The following DAW1 variants were observed in gnomAD, a reference collection of about 807,000 sequenced individuals.
DAW1 encodes dynein assembly factor with WD repeats 1.
DAW1 carries 47 observed loss-of-function variants against 56.5 expected under a neutral mutation model. The ratio of observed to expected loss-of-function variants is 0.83; its 90% confidence interval spans 0.66 to 1.06. The LOEUF (loss-of-function observed/expected upper bound fraction) is 1.06, where lower values mean the gene tolerates loss of function less well. Among genes scored for constraint, DAW1 ranks in the 50% least tolerant of loss-of-function variants. The probability of loss-of-function intolerance (pLI) is 0.00; values close to 1 mark genes in which losing one functional copy is unlikely to be tolerated. For synonymous variants in DAW1, 190 were observed against 179.0 expected (o/e 1.06, Z -0.49); for missense variants, 505 against 499.3 (o/e 1.01, Z -0.11).
chr2:227,894,005 C>G lies in DAW1; in HGVS notation c.440+88C>G, dbSNP rs1464466342. ...GGAGAAAGGGAAGAAGACAAGAGGT[C>G]TAAATTTATTGAGTGCTTGGTATGT... is the stretch of plus-strand genomic sequence containing the variant. On this transcript the variant is annotated intron_variant, in intron 5 of 12. Transcript: ENST00000309931. 2.9e-6 allele frequency: 4 copies of G among 1,381,186 alleles called. No homozygotes were observed. In the South Asian group the frequency reaches 4.6e-5, roughly 16 times the overall value. 85.6% of individuals were successfully genotyped at this position (1,381,186 alleles called of 1,614,324 possible).
intron 10 of DAW1, among the ~76,000 whole-genome samples, chr2:227,907,842 C>G (rs976436614): frequency 5.3e-5 from 8 of 152,180 alleles, no homozygotes; most frequent in African/African-American, 1.9e-4. Flanking sequence ...GCCACCGTGC[C>G]CAGCTTCCCT....
chr2:227,878,995 A>C (rs1690948747), intron 1 of DAW1, among the ~76,000 whole-genome samples: 1 of 152,034 alleles, frequency 6.6e-6, no homozygotes, highest in South Asian at 2.1e-4. Flanking sequence ...CCATGTTGCC[A>C]GGCTGGTCTT....
chr2:227,906,374 G>T (rs765366165), intron 9 of DAW1, 36 bp downstream of exon 9: 6 of 1,443,908 alleles, frequency 4.2e-6, no homozygotes, highest in Non-Finnish European at 5.8e-6. Flanking sequence ...GCTTTATATT[G>T]TGTCTATACT....
At chr2:227,920,764 C>T (rs1004008449) in intron 11 of DAW1, among the ~76,000 whole-genome samples, 5 of 152,098 alleles carry the variant, frequency 3.3e-5, no homozygotes, top group Non-Finnish European at 5.9e-5. Context: ...GCAACCTCCA[C>T]CTCCCAGGTT....
At chr2:227,904,801 A>T in intron 7 of DAW1, 128 bp from the exon 8 acceptor site, 1 of 775,168 alleles carries the variant, frequency 1.3e-6, no homozygotes, top group Non-Finnish European at 2.0e-6. Context: ...TCCTCACCCC[A>T]GCCAACCGCT....
chr2:227,917,154 G>A (rs28736890), intron 10 of DAW1, among the ~76,000 whole-genome samples: 2,641 of 141,520 alleles, frequency 0.019, 28 homozygotes, highest in African/African-American at 0.027. Flanking sequence ...CTGTCTGTCT[G>A]TCTGTCTGTC....
chr2:227,879,384 C>T (rs899314359), intron 1 of DAW1, among the ~76,000 whole-genome samples: 12 of 151,788 alleles, frequency 7.9e-5, no homozygotes, highest in Non-Finnish European at 1.5e-4. Flanking sequence ...GTAAGTTGAC[C>T]GCTCCTGACT....
chr2:227,875,247 T>C (rs2106183447), intron 1 of DAW1, among the ~76,000 whole-genome samples: 1 of 152,350 alleles, frequency 6.6e-6, no homozygotes, highest in South Asian at 2.1e-4. Context: ...CAATTTCTAC[T>C]ACCTGACCAC....
chr2:227,918,128 C>T (rs991936127), intron 10 of DAW1, among the ~76,000 whole-genome samples: 15 of 145,388 alleles, frequency 1.0e-4, no homozygotes, highest in Non-Finnish European at 1.4e-4. Context: ...ATTTCTCCAT[C>T]CATCCATCCA....
chr2:227,880,475 G>A lies in DAW1; in HGVS notation c.41-4876G>A, dbSNP rs143724582. Among the ~76,000 whole-genome samples, 522 of 150,946 alleles carry A rather than the reference G, an allele frequency of 3.5e-3. 3 individuals are homozygous for A. Among genetic ancestry groups the A allele is most frequent in the African/African-American group, 0.012 (488 of 41,070 alleles). On this transcript the variant is annotated intron_variant, in intron 1 of 12. Transcript: ENST00000309931. ...TTTTTAGTTTGCTTTTGATCCTAGAGTTTGGTTTCAGGTCTTTAGTACAAA... is the reference window on the plus strand; with the variant it reads ...TTTTTAGTTTGCTTTTGATCCTAGAATTTGGTTTCAGGTCTTTAGTACAAA...
intron 10 of DAW1, among the ~76,000 whole-genome samples, chr2:227,914,772 A>T (rs1246364960): frequency 6.6e-6 from 1 of 152,064 alleles, no homozygotes; most frequent in Non-Finnish European, 1.5e-5. Flanking sequence ...TGTTTTCATC[A>T]CCATCTTGAA....
intron 12 of DAW1, among the ~76,000 whole-genome samples, chr2:227,922,454 G>A (rs1328664678): frequency 6.6e-6 from 1 of 152,212 alleles, no homozygotes; most frequent in African/African-American, 2.4e-5. Context: ...GCCTCGAGGG[G>A]AGGCCTTGGC....
intron 1 of DAW1, among the ~76,000 whole-genome samples, chr2:227,874,052 T>C (rs557006080): frequency 2.0e-4 from 30 of 152,350 alleles, no homozygotes; most frequent in Non-Finnish European, 4.1e-4. Context: ...AGACTAATAG[T>C]CTGTTTCCTT....
At chr2:227,901,584 GA>G (rs1281258509) in intron 6 of DAW1, among the ~76,000 whole-genome samples, 7 of 151,912 alleles carry the variant, frequency 4.6e-5, no homozygotes, top group Non-Finnish European at 1.0e-4. Flanking sequence ...GATACAAAAA[GA>G]AAAAAGAAAA....
intron 1 of DAW1, among the ~76,000 whole-genome samples, chr2:227,874,221 T>C (rs1312982101): frequency 1.3e-5 from 2 of 152,152 alleles, no homozygotes; most frequent in Admixed American, 1.3e-4. Context: ...TCTCACCATA[T>C]ACAATAATAA....
At chr2:227,921,635 A>G in intron 12 of DAW1, 74 bp downstream of exon 12, 1 of 1,494,102 alleles carries the variant, frequency 6.7e-7, no homozygotes, top group Non-Finnish European at 9.1e-7. Flanking sequence ...GAATACTAAC[A>G]GGAGTTCATC....
At chr2:227,902,560 TG>T (rs377144196) in intron 6 of DAW1, among the ~76,000 whole-genome samples, 16 of 152,204 alleles carry the variant, frequency 1.1e-4, no homozygotes, top group African/African-American at 3.9e-4. Context: ...GGCATGGGTC[TG>T]GGGGAACTGG....
At chr2:227,904,570 G>A (rs1041769713) in intron 7 of DAW1, among the ~76,000 whole-genome samples, 3 of 152,166 alleles carry the variant, frequency 2.0e-5, no homozygotes, top group Admixed American at 6.5e-5. Flanking sequence ...CCCCTGCTCT[G>A]TAGTGTTTCC....
In DAW1 at chr2:227,906,253, T is replaced by C. The variant is rs752727550; in HGVS notation, c.773T>C (p.Ile258Thr). 1.2e-6 allele frequency: 2 copies of C among 1,612,438 alleles called. No homozygotes were observed. The highest frequency in any genetic ancestry group is 1.7e-6 in the Non-Finnish European group (2 of 1,179,046). Reference protein sequence around the residue: ...ADTGRKVNILIGHCAEISSAS... With the variant: ...ADTGRKVNILTGHCAEISSAS... ...TGTTGTAGGAAGGTAAATATCTTAA[T>C]TGGTCATTGTGCTGAGATTAGCAGT... The change falls in exon 9 of 13, where the codon ATT (isoleucine) becomes ACT (threonine). Residue 258 changes from isoleucine (I) to threonine (T), a missense_variant. Ile to Thr is a moderately conservative substitution (Grantham distance 89). Transcript: ENST00000309931.
Sources: allele counts gnomAD v4.1 joint callset (sites outside exome capture counted in the v4.1 genomes callset), GRCh38; gene constraint gnomAD v4.1.1; transcripts MANE v1.5; gene names NCBI Gene and HGNC (gene_info 2026-07-23, HGNC 2026-07-21).